CFAP57: variants seen among roughly 807,000 people sequenced by gnomAD.
CFAP57 encodes cilia- and flagella-associated protein 57.
A neutral mutation model predicts 146.8 loss-of-function variants in CFAP57; 116 were observed. The observed-to-expected ratio is 0.79, with a 90% CI of 0.68 to 0.92. CFAP57 has a LOEUF of 0.92. Ranked by LOEUF, CFAP57 falls within the 40% of genes least tolerant of loss-of-function variation. CFAP57 has a pLI of 0.00. For missense variants in CFAP57, 1,377 were observed against 1,527.2 expected (o/e 0.90, Z 1.64); for synonymous variants, 518 against 552.8 (o/e 0.94, Z 0.88).
At chr1:43,202,472 C>A (rs1314408188) in intron 9 of CFAP57, among the ~76,000 whole-genome samples, 2 of 151,980 alleles carry the variant, frequency 1.3e-5, no homozygotes, top group African/African-American at 4.8e-5. Context: ...CACTAAAGGT[C>A]CTATAGACAT....
chr1:43,225,051 T>TTTTGTTTGTTTGTTTGTTTG (rs146484094), intron 17 of CFAP57, among the ~76,000 whole-genome samples: 1 of 151,114 alleles, frequency 6.6e-6, no homozygotes, highest in Non-Finnish European at 1.5e-5. Flanking sequence ...ATATCCAGGG[T>TTTTGTTTGTTTGTTTGTTTG]TTTGTTTGTT....
chr1:43,201,851 G>A lies in CFAP57; in HGVS notation c.1542+2348G>A, dbSNP rs1482045348. On this transcript the variant is annotated intron_variant, in intron 9 of 22. Transcript: ENST00000372492. The surrounding 1 kb of genome is among the most constrained non-coding windows in gnomAD (Gnocchi z 4.4). ...GCTGGTCTTGAACTACTGACCTCAG[G>A]TGATCCACCCACCTCGGCCTCCCAA... 6.6e-6 allele frequency among the ~76,000 whole-genome samples: 1 copy of A among 152,204 alleles called. No individual in the cohort carries two copies. Among genetic ancestry groups the A allele is most frequent in the Non-Finnish European group, 1.5e-5 (1 of 68,048 alleles).
chr1:43,209,547 A>G (rs1447708406), intron 10 of CFAP57, among the ~76,000 whole-genome samples, 196 bp from the exon 11 acceptor site: 5 of 152,220 alleles, frequency 3.3e-5, no homozygotes, highest in African/African-American at 7.2e-5. Context: ...ATTTACCAGC[A>G]ACACAACAAG....
Position 43,214,042 on chromosome 1 carries a change from C to T in CFAP57, c.1930-1213C>T, listed in dbSNP as rs901029198. Among the ~76,000 whole-genome samples, 7 of 151,800 alleles carry T rather than the reference C, an allele frequency of 4.6e-5. No homozygotes were observed. In the East Asian group the frequency reaches 5.8e-4, roughly 13 times the overall value. On this transcript the variant is annotated intron_variant, in intron 11 of 22. Transcript: ENST00000372492. Reference sequence around the variant, plus strand: ...GCTGGGATTACCGTGCCTGCCACCACGCCCAGCTAATTTTTGTATTTTTAG... The same window carrying T: ...GCTGGGATTACCGTGCCTGCCACCATGCCCAGCTAATTTTTGTATTTTTAG...
At chr1:43,212,870 A>G (rs1344742208) in intron 11 of CFAP57, among the ~76,000 whole-genome samples, 1 of 146,000 alleles carries the variant, frequency 6.8e-6, no homozygotes. Context: ...AGAAGCAGAG[A>G]TTTCAGTGAG....
chr1:43,181,857 A>G lies in CFAP57; in HGVS notation c.474+7A>G. On this transcript the variant is annotated splice_region_variant and intron_variant, in intron 3 of 22. Coordinates refer to ENST00000372492, the MANE Select transcript of CFAP57 (RefSeq NM_001378189.1). ...GAACAACCCTGTCTACCAGGTACCTAGTAGTGTGACAAGTATCGTGAAAAT... is the reference window on the plus strand; with the variant it reads ...GAACAACCCTGTCTACCAGGTACCTGGTAGTGTGACAAGTATCGTGAAAAT... The G allele has an allele frequency of 1.2e-6, 2 of 1,613,548 alleles. 1 individual carries two copies. Among genetic ancestry groups the G allele is most frequent in the Non-Finnish European group, 1.7e-6 (2 of 1,179,414 alleles).
intron 22 of CFAP57, 112 bp downstream of exon 22, chr1:43,243,471 C>A: frequency 8.3e-7 from 1 of 1,198,538 alleles, no homozygotes; most frequent in Non-Finnish European, 1.1e-6. Flanking sequence ...CTACACATGG[C>A]CTTCTGGGAT....
At chr1:43,189,586 C>T (rs1316747337) in intron 6 of CFAP57, among the ~76,000 whole-genome samples, 1 of 152,174 alleles carries the variant, frequency 6.6e-6, no homozygotes, top group Non-Finnish European at 1.5e-5. Flanking sequence ...GCATACTGAT[C>T]TTGTCTCCTG....
intron 5 of CFAP57, among the ~76,000 whole-genome samples, chr1:43,186,393 T>C (rs1037937129): frequency 1.3e-5 from 2 of 151,812 alleles, no homozygotes; most frequent in African/African-American, 4.8e-5. Context: ...GGGCGGATCA[T>C]GAGGTCAGGA....
chr1:43,229,602 A>G (rs898001596), intron 18 of CFAP57, among the ~76,000 whole-genome samples: 1 of 148,502 alleles, frequency 6.7e-6, no homozygotes, highest in East Asian at 2.1e-4. Flanking sequence ...CCGCCCTCAC[A>G]TACTCTTTTT....
At position 43,206,708 on chromosome 1, in the gene CFAP57, C is replaced by T. The variant is rs1557771091; in HGVS notation, c.1543-12C>T. ...GTACACTCTTCACTGGATATGTCTT[C>T]CTCTCCTGCAGATTCGCTCAATTGT... On this transcript the variant is annotated splice_polypyrimidine_tract_variant and intron_variant, in intron 9 of 22. Coordinates refer to ENST00000372492, the MANE Select transcript of CFAP57 (RefSeq NM_001378189.1). 2 of 1,613,766 alleles carry T rather than the reference C, an allele frequency of 1.2e-6. No homozygotes were observed. The highest frequency in any genetic ancestry group is 2.2e-5 in the East Asian group (1 of 44,864).
Position 43,197,674 on chromosome 1 carries a change from T to C in CFAP57, c.1244T>C (p.Leu415Pro). 1 of 1,614,158 alleles carries C rather than the reference T, an allele frequency of 6.2e-7. No individual in the cohort carries two copies. Among genetic ancestry groups the C allele is most frequent in the Non-Finnish European group, 8.5e-7 (1 of 1,180,018 alleles). ...TGTTCTCTGGATCGATCCATCCGCC[T>C]TTGGAATTATGAAACAAAGTAAGGA... ...ATCSLDRSIR[L>P]WNYETNTLEL... Residue 415 changes from leucine to proline, a missense_variant, in exon 7 of 23, where the codon CTT becomes CCT. By Grantham distance (98) the Leu-to-Pro change is moderately conservative. Coordinates refer to ENST00000372492, the MANE Select transcript of CFAP57 (RefSeq NM_001378189.1).
intron 18 of CFAP57, chr1:43,231,957 C>G: frequency 1.8e-6 from 1 of 560,514 alleles, no homozygotes; most frequent in East Asian, 3.0e-5. Flanking sequence ...TTTTTAAGAC[C>G]TTTCAACAGA....
chr1:43,254,264 G>C lies in CFAP57; in HGVS notation c.*73G>C. 1 of 1,368,466 alleles carries C rather than the reference G, an allele frequency of 7.3e-7. No homozygotes were observed. The highest frequency in any genetic ancestry group is 9.9e-7 in the Non-Finnish European group (1 of 1,006,094). The allele number at this position is 1,368,466 out of a possible 1,614,324, so 84.8% of individuals were successfully genotyped here. A position where few individuals can be genotyped will look rare whatever the true frequency, so the allele number is the denominator to read the frequency against. On this transcript the variant is annotated 3_prime_UTR_variant, in exon 23 of 23. Coordinates refer to ENST00000372492, the MANE Select transcript of CFAP57 (RefSeq NM_001378189.1). ...TGTCTGTCCCCAAGCCAGACTTGCG[G>C]TTGGAGTCTGTATGGTCCCTGCAGC...
intron 17 of CFAP57, among the ~76,000 whole-genome samples, chr1:43,225,051 TTTTG>T (rs146484094): frequency 0.012 from 1,851 of 151,224 alleles, 14 homozygotes; most frequent in Admixed American, 0.026. Context: ...ATATCCAGGG[TTTTG>T]TTTGTTTGTT....
intron 4 of CFAP57, 50 bp downstream of exon 4, chr1:43,183,927 A>T (rs760247370): frequency 6.2e-7 from 1 of 1,609,656 alleles, no homozygotes; most frequent in African/African-American, 1.3e-5. Flanking sequence ...TACTGACAGC[A>T]TTATGCAGAA....
At chr1:43,225,768 T>C (rs1407310981) in intron 17 of CFAP57, among the ~76,000 whole-genome samples, 1 of 152,250 alleles carries the variant, frequency 6.6e-6, no homozygotes, top group Non-Finnish European at 1.5e-5. Context: ...TGTGTTGTAT[T>C]TATATTTGGA....
intron 2 of CFAP57, 122 bp from the exon 3 acceptor site, chr1:43,181,412 G>T: frequency 8.5e-7 from 1 of 1,180,088 alleles, no homozygotes; most frequent in South Asian, 1.3e-5. Flanking sequence ...CTATGCCAAG[G>T]CCGCCTTTCT....
intron 6 of CFAP57, 44 bp from the exon 7 acceptor site, chr1:43,197,509 C>A: frequency 6.2e-7 from 1 of 1,614,078 alleles, no homozygotes. Context: ...TACAGCCAGC[C>A]TTTTGCTTAC....
Sources: gnomAD v4.1 joint callset for allele counts (sites outside exome capture counted in the v4.1 genomes callset) on GRCh38, gnomAD v4.1.1 for gene constraint, Gnocchi (gnomAD v3.1) non-coding constraint, MANE v1.5 for transcripts, NCBI Gene and HGNC (gene_info 2026-07-23, HGNC 2026-07-21) for gene names.